EPHB1: variants seen among roughly 807,000 people sequenced by gnomAD.
EPHB1 encodes the protein EPH receptor B1, also known as ephrin type-B receptor 1.
A neutral mutation model predicts 94.4 loss-of-function variants in EPHB1; 30 were observed. The ratio of observed to expected loss-of-function variants is 0.32; its 90% CI spans 0.24 to 0.43. EPHB1 has a LOEUF of 0.43. Among genes scored for constraint, EPHB1 ranks in the 20% least tolerant of loss-of-function variants. The pLI is 1.00. For synonymous variants in EPHB1, 522 were observed against 489.1 expected, an observed-to-expected ratio of 1.07 and a Z score of -0.89; for missense variants, 1,055 against 1,308.3, an observed-to-expected ratio of 0.81 and a Z score of 2.99.
intron 5 of EPHB1, among the ~76,000 whole-genome samples, chr3:135,142,288 C>T (rs1331491358): frequency 1.3e-5 from 2 of 152,244 alleles, no homozygotes; most frequent in East Asian, 3.9e-4. Flanking sequence ...ATTGAGAGCT[C>T]ATTTGAAGTT....
Position 134,882,758 on chromosome 3 carries a change from C to CTTTCTTCCTTTCT in EPHB1, c.59-43056_59-43055insTCTTCCTTTCTTT, listed in dbSNP as rs60859294. Among the ~76,000 whole-genome samples the CTTTCTTCCTTTCT allele has an allele frequency of 7.5e-5, 8 of 107,258 alleles. No individual in the cohort carries two copies. The South Asian group carries it at 1.7e-3, about 22-fold the overall frequency. 70.4% of individuals were successfully genotyped at this position (107,258 alleles called of 152,430 possible). A position where few individuals can be genotyped will look rare whatever the true frequency, so the allele number is the denominator to read the frequency against. ...TCTTTCCTTCTTTCTTCCTTTCTTC[C>CTTTCTTCCTTTCT]TTCCTTCCTTTCTTTCTTTCTTTCT... On this transcript the variant is annotated intron_variant, in intron 1 of 15. Coordinates refer to ENST00000398015, the MANE Select transcript of EPHB1 (RefSeq NM_004441.5).
intron 1 of EPHB1, among the ~76,000 whole-genome samples, chr3:134,828,452 C>G (rs773173633): frequency 1.7e-4 from 26 of 152,076 alleles, no homozygotes; most frequent in Non-Finnish European, 3.8e-4. Context: ...GAGCCTAGTC[C>G]CTAGTTGAGC....
chr3:134,865,770 C>T (rs2037363090), intron 1 of EPHB1, among the ~76,000 whole-genome samples: 1 of 151,976 alleles, frequency 6.6e-6, no homozygotes, highest in African/African-American at 2.4e-5. Flanking sequence ...CATACGTTAC[C>T]TTTTGGATGA....
intron 4 of EPHB1, among the ~76,000 whole-genome samples, chr3:135,116,473 G>T (rs967352451): frequency 6.6e-6 from 1 of 152,112 alleles, no homozygotes; most frequent in African/African-American, 2.4e-5. Flanking sequence ...ACCAGATCCT[G>T]ATTTCATTTG....
At chr3:135,258,229 C>CCAATCACTGTTAAT (rs1237187869) in intron 15 of EPHB1, among the ~76,000 whole-genome samples, 1 of 152,192 alleles carries the variant, frequency 6.6e-6, no homozygotes, top group Non-Finnish European at 1.5e-5. Context: ...CTTGGCTCCT[C>CCAATCACTGTTAAT]CAATCACTGT....
At chr3:135,029,225 T>C (rs1936317976) in intron 3 of EPHB1, among the ~76,000 whole-genome samples, 1 of 134,750 alleles carries the variant, frequency 7.4e-6, no homozygotes. Flanking sequence ...CCATTTACAT[T>C]TAAAGTTAAT....
At chr3:134,872,386 C>T (rs577792523) in intron 1 of EPHB1, among the ~76,000 whole-genome samples, 1 of 152,188 alleles carries the variant, frequency 6.6e-6, no homozygotes, top group Non-Finnish European at 1.5e-5. Context: ...ATTGCCTCTT[C>T]TATTTCTTAT....
At chr3:134,839,798 G>C (rs2036742953) in intron 1 of EPHB1, among the ~76,000 whole-genome samples, 1 of 152,136 alleles carries the variant, frequency 6.6e-6, no homozygotes, top group Non-Finnish European at 1.5e-5. Context: ...GTACCTTTTT[G>C]GGTGGGGAGT....
rs572769268 is a variant in EPHB1 at position 134,938,758 on chromosome 3, T to G, written c.124-12613T>G. 2.6e-5 allele frequency among the ~76,000 whole-genome samples: 4 copies of G among 152,272 alleles called. No individual in the cohort carries two copies. The South Asian group carries it at 8.3e-4, about 32-fold the overall frequency. On this transcript the variant is annotated intron_variant, in intron 2 of 15. Coordinates refer to ENST00000398015, the MANE Select transcript of EPHB1 (RefSeq NM_004441.5). ...CTGGGGTTTAATTACCTTGCAAGCT[T>G]AAGTCATGTTTAATCCTCACAATTG...
At chr3:134,828,193 A>G (rs1299751451) in intron 1 of EPHB1, among the ~76,000 whole-genome samples, 1 of 152,198 alleles carries the variant, frequency 6.6e-6, no homozygotes, top group African/African-American at 2.4e-5. Context: ...TGCAAAATTC[A>G]CGTGTTTGGC....
At chr3:135,241,628 T>C (rs6793828) in intron 13 of EPHB1, among the ~76,000 whole-genome samples, 53,622 of 152,052 alleles carry the variant, frequency 0.35, 9,507 homozygotes, top group Middle Eastern at 0.45. Flanking sequence ...TGCTTCTAAG[T>C]GTTCAGGTTC....
chr3:134,832,133 G>A (rs1384365637), intron 1 of EPHB1, among the ~76,000 whole-genome samples: 3 of 152,172 alleles, frequency 2.0e-5, no homozygotes, highest in South Asian at 2.1e-4. Flanking sequence ...TATTGCATGC[G>A]GTATTTGAGG....
chr3:134,969,547 T>G (rs1245913099), intron 3 of EPHB1, among the ~76,000 whole-genome samples: 1 of 152,192 alleles, frequency 6.6e-6, no homozygotes, highest in Non-Finnish European at 1.5e-5. Flanking sequence ...GATGAAGGCC[T>G]TCATTTAAGG....
chr3:135,100,403 G>A (rs917934318), intron 3 of EPHB1, among the ~76,000 whole-genome samples: 1 of 152,166 alleles, frequency 6.6e-6, no homozygotes, highest in Non-Finnish European at 1.5e-5. Context: ...AGAGGCTCTG[G>A]TGAGTGCTGA....
At chr3:134,921,670 C>T (rs758044742) in intron 1 of EPHB1, among the ~76,000 whole-genome samples, 4 of 152,254 alleles carry the variant, frequency 2.6e-5, no homozygotes, top group East Asian at 1.9e-4. Flanking sequence ...GATACTTTAT[C>T]GATATCATAT....
At chr3:134,866,999 G>A (rs1304715841) in intron 1 of EPHB1, among the ~76,000 whole-genome samples, 2 of 152,162 alleles carry the variant, frequency 1.3e-5, no homozygotes, top group East Asian at 3.9e-4. Context: ...AACACATTGA[G>A]CAGCCCATCG....
At chr3:135,017,039 ATTG>A (rs1282057215) in intron 3 of EPHB1, among the ~76,000 whole-genome samples, 1 of 152,160 alleles carries the variant, frequency 6.6e-6, no homozygotes, top group Non-Finnish European at 1.5e-5. Flanking sequence ...CTGGGGACAT[ATTG>A]TTCAAATTTA....
At chr3:134,837,656 G>A (rs868786710) in intron 1 of EPHB1, among the ~76,000 whole-genome samples, 4 of 152,332 alleles carry the variant, frequency 2.6e-5, no homozygotes, top group Non-Finnish European at 5.9e-5. Context: ...TTTAGGCCTT[G>A]CTTTCTTGCT....
intron 1 of EPHB1, among the ~76,000 whole-genome samples, chr3:134,877,420 C>T (rs2108309971): frequency 6.6e-6 from 1 of 152,208 alleles, no homozygotes; most frequent in East Asian, 1.9e-4. Flanking sequence ...AGCCCTGAAG[C>T]TCTATCTCTT....
Sources: gnomAD v4.1 joint callset for allele counts (sites outside exome capture counted in the v4.1 genomes callset) on GRCh38, gnomAD v4.1.1 for gene constraint, MANE v1.5 for transcripts, NCBI Gene and HGNC (gene_info 2026-07-23, HGNC 2026-07-21) for gene names.